The following PCDH11X variants were observed in gnomAD, a reference collection of about 807,000 sequenced individuals.
The protein encoded by PCDH11X is protocadherin 11 X-linked.
Under a neutral mutation model 53.3 loss-of-function variants are expected in PCDH11X, and 18 were observed. That is an observed-to-expected ratio of 0.34 (90% CI 0.23 to 0.50). The LOEUF is 0.50. PCDH11X is among the 20% of genes least tolerant of loss of function. The probability of loss-of-function intolerance (pLI) is 0.98; values close to 1 mark genes in which losing one functional copy is unlikely to be tolerated. For synonymous variants in PCDH11X, 279 were observed against 393.3 expected (o/e 0.71, Z 3.44); for missense variants, 570 against 1,032.4 (o/e 0.55, Z 6.14).
intron 6 of PCDH11X, among the ~76,000 whole-genome samples, chrX:91,884,207 AAAAAAG>A (rs1940089985): frequency 8.2e-5 from 9 of 109,196 alleles, no homozygotes; most frequent in African/African-American, 2.7e-4. Context: ...AAAAAAAAAA[AAAAAAG>A]AAAAAAAGTT....
Position 92,488,041 on chromosome X carries a change from T to A in PCDH11X, c.3367+19719T>A, listed in dbSNP as rs757163399. ...GCCTCGAACTGCTGGGCTCAAGTCA[T>A]CCTCCTGCCTCAGCCTTCCCAGTAG... On this transcript the variant is annotated intron_variant, in intron 10 of 10. Transcript: ENST00000682573. Among the ~76,000 whole-genome samples, 9 of 112,528 alleles carry A rather than the reference T, an allele frequency of 8.0e-5. No individual in the cohort carries two copies. The East Asian group carries it at 2.5e-3, about 32-fold the overall frequency.
At chrX:92,097,189 G>A (rs976348844) in intron 6 of PCDH11X, among the ~76,000 whole-genome samples, 18 of 110,996 alleles carry the variant, frequency 1.6e-4, no homozygotes, top group African/African-American at 5.6e-4. Flanking sequence ...AGGCTGAGGT[G>A]GGAGAATCAC....
chrX:92,229,507 A>T (rs410882), intron 7 of PCDH11X, among the ~76,000 whole-genome samples: 1 of 109,550 alleles, frequency 9.1e-6, no homozygotes, highest in African/African-American at 3.3e-5. Context: ...TCAACTTACT[A>T]TGTGATTCCA....
intron 9 of PCDH11X, among the ~76,000 whole-genome samples, chrX:92,416,539 TAA>T (rs34223136): frequency 9.6e-6 from 1 of 104,651 alleles, no homozygotes; most frequent in African/African-American, 3.5e-5. Context: ...CACGTGTTTA[TAA>T]AAAAAAAAAT....
chrX:92,038,202 C>T (rs1270393762), intron 6 of PCDH11X, among the ~76,000 whole-genome samples: 1 of 111,032 alleles, frequency 9.0e-6, no homozygotes, highest in African/African-American at 3.3e-5. Flanking sequence ...TAACAAGGAG[C>T]CCAATGTTAA....
intron 9 of PCDH11X, among the ~76,000 whole-genome samples, chrX:92,440,583 AG>A (rs1023626200): frequency 7.3e-5 from 8 of 109,690 alleles, no homozygotes; most frequent in Non-Finnish European, 1.5e-4. Flanking sequence ...CCCCTGCACA[AG>A]CTCTCTCTGC....
At chrX:92,274,782 T>A (rs1199599045) in intron 8 of PCDH11X, among the ~76,000 whole-genome samples, 7 of 110,907 alleles carry the variant, frequency 6.3e-5, no homozygotes, top group African/African-American at 2.3e-4. Context: ...TAGCCTGCCT[T>A]TGCTGGTGTG....
intron 10 of PCDH11X, among the ~76,000 whole-genome samples, chrX:92,492,377 T>A (rs2073781310): frequency 8.9e-6 from 1 of 112,049 alleles, no homozygotes; most frequent in Admixed American, 9.5e-5. Context: ...TTAGTTTGAA[T>A]TTGCATTTTC....
At chrX:91,901,928 G>A (rs1266791069) in intron 6 of PCDH11X, among the ~76,000 whole-genome samples, 1 of 111,350 alleles carries the variant, frequency 9.0e-6, no homozygotes, top group Non-Finnish European at 1.9e-5. Context: ...GGAAAGATTC[G>A]TGGAAGAGAT....
intron 6 of PCDH11X, among the ~76,000 whole-genome samples, chrX:91,993,085 T>C (rs768407936): frequency 8.9e-6 from 1 of 112,285 alleles, no homozygotes; most frequent in East Asian, 2.8e-4. Flanking sequence ...ATTCTTGTTA[T>C]CAGGAAGCAA....
At chrX:91,869,036 G>A (rs554914141) in intron 5 of PCDH11X, among the ~76,000 whole-genome samples, 2 of 111,265 alleles carry the variant, frequency 1.8e-5, no homozygotes, top group African/African-American at 6.5e-5. Flanking sequence ...AGAAATAATA[G>A]CACTCAATAT....
chrX:91,794,618 T>C (rs1419926872), intron 1 of PCDH11X, among the ~76,000 whole-genome samples: 2 of 111,058 alleles, frequency 1.8e-5, no homozygotes, highest in East Asian at 5.7e-4. Flanking sequence ...AATATACTTG[T>C]TTGCTGTTGG....
At chrX:92,354,383 C>A in intron 8 of PCDH11X, among the ~76,000 whole-genome samples, 1 of 106,511 alleles carries the variant, frequency 9.4e-6, no homozygotes, top group Non-Finnish European at 1.9e-5. Context: ...TATTTGTACT[C>A]CATCTACTGA....
At chrX:91,958,501 A>T (rs73537427) in intron 6 of PCDH11X, among the ~76,000 whole-genome samples, 1,418 of 110,518 alleles carry the variant, frequency 0.013, 35 homozygotes, top group African/African-American at 0.045. Flanking sequence ...CAGATCCATG[A>T]GTTGCAAAGA....
chrX:92,064,164 G>A (rs2063568423), intron 6 of PCDH11X, among the ~76,000 whole-genome samples: 1 of 103,307 alleles, frequency 9.7e-6, no homozygotes, highest in Non-Finnish European at 2.0e-5. Context: ...GGCAGGGGTA[G>A]GGTTGCCTGT....
At chrX:91,784,107 T>C (rs1435565165) in intron 1 of PCDH11X, among the ~76,000 whole-genome samples, 1 of 112,056 alleles carries the variant, frequency 8.9e-6, no homozygotes, top group Admixed American at 9.5e-5. Context: ...ATATGTGTGT[T>C]TTGTAGACCT....
At chrX:92,103,767 G>C (rs1355333218) in intron 6 of PCDH11X, among the ~76,000 whole-genome samples, 2 of 112,246 alleles carry the variant, frequency 1.8e-5, no homozygotes. Flanking sequence ...GGAAGTTCTT[G>C]TGTGCTGGAG....
intron 6 of PCDH11X, among the ~76,000 whole-genome samples, chrX:92,173,386 G>T (rs763387986): frequency 2.7e-5 from 3 of 111,588 alleles, no homozygotes; most frequent in Non-Finnish European, 5.6e-5. Flanking sequence ...AATTCATTTT[G>T]TTGTTGTTTG....
At chrX:92,460,500 A>G (rs2073015717) in intron 9 of PCDH11X, 1 of 710,690 alleles carries the variant, frequency 1.4e-6, no homozygotes, top group Non-Finnish European at 2.2e-6. Flanking sequence ...AGAACACCAC[A>G]GTGGTCACCA....
Sources: allele counts gnomAD v4.1 joint callset (sites outside exome capture counted in the v4.1 genomes callset), GRCh38; gene constraint gnomAD v4.1.1; transcripts MANE v1.5; gene names NCBI Gene and HGNC (gene_info 2026-07-23, HGNC 2026-07-21).